The following RIN2 variants were observed in gnomAD, a reference collection of about 807,000 sequenced individuals.
The protein encoded by RIN2 is Ras and Rab interactor 2, also known as RAB5 interacting protein 2.
Under a neutral mutation model 78.0 loss-of-function variants are expected in RIN2, and 36 were observed. That is an observed-to-expected ratio of 0.46 (90% CI 0.35 to 0.61). The LOEUF (loss-of-function observed/expected upper bound fraction) is 0.61, where lower values mean the gene tolerates loss of function less well. RIN2 is among the 20% of genes least tolerant of loss of function. The probability of loss-of-function intolerance (pLI) is 0.00; values close to 1 mark genes in which losing one functional copy is unlikely to be tolerated. For synonymous variants in RIN2, 466 were observed against 466.8 expected (o/e 1.00, Z 0.02); for missense variants, 1,087 against 1,159.7 (o/e 0.94, Z 0.91).
intron 5 of RIN2, among the ~76,000 whole-genome samples, chr20:19,958,354 A>T (rs1487062427): frequency 6.6e-6 from 1 of 152,238 alleles, no homozygotes; most frequent in Non-Finnish European, 1.5e-5. Flanking sequence ...TCTGCAAAAC[A>T]TTCCAAAGAC....
At chr20:19,948,356 T>C (rs1414232265) in intron 4 of RIN2, among the ~76,000 whole-genome samples, 2 of 152,214 alleles carry the variant, frequency 1.3e-5, no homozygotes. Flanking sequence ...AGCTGAATTA[T>C]GATCTAACAG....
chr20:19,941,876 A>G (rs2040885007), intron 4 of RIN2, among the ~76,000 whole-genome samples: 2 of 152,242 alleles, frequency 1.3e-5, no homozygotes, highest in East Asian at 3.9e-4. Context: ...GCACTTTGGG[A>G]GGCTGAGGTG....
chr20:19,806,691 G>T (rs1191189587), intron 2 of RIN2, among the ~76,000 whole-genome samples: 1 of 152,174 alleles, frequency 6.6e-6, no homozygotes, highest in East Asian at 1.9e-4. Flanking sequence ...GAGCACAGAA[G>T]TTTGAGATCA....
At chr20:19,876,414 A>C (rs2037856252) in intron 2 of RIN2, among the ~76,000 whole-genome samples, 1 of 152,184 alleles carries the variant, frequency 6.6e-6, no homozygotes, top group Non-Finnish European at 1.5e-5. Flanking sequence ...AAAAGGGAAG[A>C]GGAGAGAAAA....
intron 2 of RIN2, among the ~76,000 whole-genome samples, chr20:19,808,328 T>C (rs990996397): frequency 2.6e-5 from 4 of 152,114 alleles, no homozygotes; most frequent in Non-Finnish European, 4.4e-5. Flanking sequence ...CATGGCCCAG[T>C]AGGAGTCAGG....
At chr20:19,840,945 G>A (rs558994425) in intron 2 of RIN2, among the ~76,000 whole-genome samples, 1 of 152,164 alleles carries the variant, frequency 6.6e-6, no homozygotes, top group South Asian at 2.1e-4. Flanking sequence ...ATCATCTCCA[G>A]TGTGGACTTT....
intron 9 of RIN2, among the ~76,000 whole-genome samples, chr20:19,981,907 G>A (rs929148183): frequency 2.6e-5 from 4 of 152,194 alleles, no homozygotes; most frequent in Admixed American, 2.6e-4. Context: ...ATGCCTGGGC[G>A]GTGATTTCAT....
chr20:19,981,102 G>A (rs942202136), intron 9 of RIN2, among the ~76,000 whole-genome samples: 8 of 152,140 alleles, frequency 5.3e-5, no homozygotes, highest in Non-Finnish European at 1.0e-4. Flanking sequence ...GAATGCCTTG[G>A]GAGGCTCCAT....
chr20:19,955,979 A>G (rs1265930431), intron 4 of RIN2, among the ~76,000 whole-genome samples: 1 of 152,170 alleles, frequency 6.6e-6, no homozygotes, highest in East Asian at 1.9e-4. Flanking sequence ...TATATTGGCC[A>G]GGCAGGGTGG....
At chr20:19,849,922 C>T (rs2036908274) in intron 2 of RIN2, among the ~76,000 whole-genome samples, 1 of 152,116 alleles carries the variant, frequency 6.6e-6, no homozygotes, top group Non-Finnish European at 1.5e-5. Context: ...GAAATTTTCC[C>T]TCTTTGTTCC....
intron 7 of RIN2, among the ~76,000 whole-genome samples, chr20:19,970,375 A>C (rs2042065939): frequency 6.6e-6 from 1 of 152,250 alleles, no homozygotes; most frequent in Non-Finnish European, 1.5e-5. Context: ...AAGTAAAGCC[A>C]ACAGATATTC....
At chr20:19,814,280 C>T (rs2035693805) in intron 2 of RIN2, among the ~76,000 whole-genome samples, 1 of 152,186 alleles carries the variant, frequency 6.6e-6, no homozygotes, top group Admixed American at 6.5e-5. Flanking sequence ...AGGTCCAATC[C>T]AGCCGCTTGC....
Position 19,874,959 on chromosome 20 carries a change from C to T in RIN2, c.-36-14607C>T, listed in dbSNP as rs965062099. Among the ~76,000 whole-genome samples, 4 of 150,684 alleles carry T rather than the reference C, an allele frequency of 2.7e-5. No homozygotes were observed. In the South Asian group the frequency reaches 8.4e-4, roughly 32 times the overall value. On this transcript the variant is annotated intron_variant, in intron 2 of 12. Coordinates refer to ENST00000255006, the MANE Select transcript of RIN2 (RefSeq NM_018993.4). ...CACTGAAGCCTCCTCCTCTTGGGTT[C>T]AAGCGATTCTCATGCCTCAGCCTCC...
chr20:19,888,785 G>C (rs758358631), intron 2 of RIN2, among the ~76,000 whole-genome samples: 2 of 152,240 alleles, frequency 1.3e-5, no homozygotes, highest in Non-Finnish European at 2.9e-5. Context: ...AGCTGGCAGA[G>C]GTGTGTGTAT....
At chr20:19,916,777 G>A (rs532452642) in intron 3 of RIN2, among the ~76,000 whole-genome samples, 8 of 152,274 alleles carry the variant, frequency 5.3e-5, no homozygotes, top group African/African-American at 1.2e-4. Flanking sequence ...TCATTTTATC[G>A]AATGTTTAAT....
At chr20:19,879,856 A>G (rs1411911451) in intron 2 of RIN2, among the ~76,000 whole-genome samples, 1 of 152,224 alleles carries the variant, frequency 6.6e-6, no homozygotes, top group East Asian at 1.9e-4. Context: ...AAAGATCTTC[A>G]GATCATAGAA....
At chr20:19,989,024 T>C (rs764725458) in intron 9 of RIN2, among the ~76,000 whole-genome samples, 9 of 152,190 alleles carry the variant, frequency 5.9e-5, no homozygotes, top group Non-Finnish European at 1.3e-4. Flanking sequence ...GCAGACATTA[T>C]ATCCCTTTAC....
At chr20:19,858,199 G>A (rs1355664250) in intron 2 of RIN2, among the ~76,000 whole-genome samples, 1 of 151,860 alleles carries the variant, frequency 6.6e-6, no homozygotes, top group East Asian at 1.9e-4. Flanking sequence ...TTGTTTTTCT[G>A]TCTTACAACC....
In RIN2 at chr20:19,907,044, C is replaced by T. The variant is rs529036355; in HGVS notation, c.57+17386C>T. ...TTGAGGGGACTGCATTTTGCGGGGG[C>T]CTTCTTGCTGCGTCATTCCATGGTG... is the stretch of plus-strand genomic sequence containing the variant. On this transcript the variant is annotated intron_variant, in intron 3 of 12. Coordinates refer to ENST00000255006, the MANE Select transcript of RIN2 (RefSeq NM_018993.4). 1.6e-4 allele frequency among the ~76,000 whole-genome samples: 25 copies of T among 152,170 alleles called. No homozygotes were observed. The South Asian group carries it at 2.5e-3, about 15-fold the overall frequency.
Sources: gnomAD v4.1 joint callset for allele counts (sites outside exome capture counted in the v4.1 genomes callset) on GRCh38, gnomAD v4.1.1 for gene constraint, MANE v1.5 for transcripts, NCBI Gene and HGNC (gene_info 2026-07-23, HGNC 2026-07-21) for gene names.